ABHD2: variants seen among roughly 807,000 people sequenced by gnomAD.
ABHD2 encodes monoacylglycerol lipase ABHD2.
Under a neutral mutation model 48.1 loss-of-function variants are expected in ABHD2, and 20 were observed. That is an observed-to-expected ratio of 0.42 (90% CI 0.29 to 0.60). The LOEUF (loss-of-function observed/expected upper bound fraction) is 0.60. ABHD2 is among the 20% of genes least tolerant of loss of function. The probability of loss-of-function intolerance (pLI) is 0.24; values close to 1 mark genes in which losing one functional copy is unlikely to be tolerated. For missense variants in ABHD2, 405 were observed against 550.9 expected, an observed-to-expected ratio of 0.74 and a Z score of 2.65; for synonymous variants, 209 against 214.2, an observed-to-expected ratio of 0.98 and a Z score of 0.21.
chr15:89,147,828 G>A (rs2050520167), intron 3 of ABHD2, among the ~76,000 whole-genome samples: 1 of 150,790 alleles, frequency 6.6e-6, no homozygotes, highest in Non-Finnish European at 1.5e-5. Flanking sequence ...AAAAACTAGG[G>A]CCGGGCACAG....
At chr15:89,076,937 C>G in the ABHD2 span, among the ~76,000 whole-genome samples, 1 of 152,196 alleles carries the variant, frequency 6.6e-6, no homozygotes, top group African/African-American at 2.4e-5. Flanking sequence ...CTGGATCACT[C>G]TGTGGTTAAG....
intron 5 of ABHD2, among the ~76,000 whole-genome samples, chr15:89,159,201 A>G (rs2050724077): frequency 6.6e-6 from 1 of 151,828 alleles, no homozygotes; most frequent in African/African-American, 2.4e-5. Context: ...ACATGGTGAA[A>G]CCCTGTGTCT....
At chr15:89,123,593 C>CTTTTTTTTTTTTTTTT (rs138910210) in intron 3 of ABHD2, among the ~76,000 whole-genome samples, 144 of 96,650 alleles carry the variant, frequency 1.5e-3, no homozygotes, top group Non-Finnish European at 2.1e-3. Flanking sequence ...TTCTTTCTTT[C>CTTTTTTTTTTTTTTTT]TTTTTTTTTT....
intron 3 of ABHD2, among the ~76,000 whole-genome samples, chr15:89,130,090 A>G (rs992970690): frequency 1.3e-5 from 2 of 152,258 alleles, no homozygotes; most frequent in African/African-American, 4.8e-5. Context: ...GCCTTAAAAC[A>G]TGAAATATTA....
At position 89,151,651 on chromosome 15, in the gene ABHD2, A is replaced by G; in HGVS notation, c.195-26A>G. ...ACGTTGCTCAAGGAATGTAGAGAAA[A>G]TTGACCTCCCTTGTCCTTTCTTTAG... On this transcript the variant is annotated intron_variant, in intron 3 of 10. Coordinates refer to ENST00000352732, the MANE Select transcript of ABHD2 (RefSeq NM_152924.5). This position sits in a 1 kb window ranked among gnomAD's most constrained non-coding sequence, Gnocchi z 4.7. 2.5e-6 allele frequency: 4 copies of G among 1,584,114 alleles called. No individual in the cohort carries two copies. The highest frequency in any genetic ancestry group is 3.4e-6 in the Non-Finnish European group (4 of 1,162,856).
intron 3 of ABHD2, among the ~76,000 whole-genome samples, chr15:89,118,323 A>G (rs1490672263): frequency 1.3e-5 from 2 of 151,920 alleles, no homozygotes. Flanking sequence ...AGCTGGGACT[A>G]CGTGCCACCA....
chr15:89,127,213 C>G (rs2050142896), intron 3 of ABHD2, among the ~76,000 whole-genome samples: 2 of 152,136 alleles, frequency 1.3e-5, no homozygotes, highest in African/African-American at 4.8e-5. Flanking sequence ...GTGAACCACC[C>G]TAACTCTACC....
intron 1 of ABHD2, among the ~76,000 whole-genome samples, chr15:89,110,037 T>A (rs944581550): frequency 3.9e-5 from 6 of 152,190 alleles, no homozygotes; most frequent in East Asian, 1.9e-4. Context: ...AAATACTGTA[T>A]TGCTTTTATT....
rs2049573448 is a variant in ABHD2, at chr15:89,094,137, G to A, written c.-107+5574G>A. The A allele has an allele frequency of 1.3e-5, 2 of 152,152 alleles. No homozygotes were observed. The highest frequency in any genetic ancestry group is 1.3e-4 in the Admixed American group (2 of 15,266). The allele number at this position is 152,152 out of a possible 1,614,324, so 9.4% of individuals were successfully genotyped here. A position where few individuals can be genotyped will look rare whatever the true frequency, so the allele number is the denominator to read the frequency against. ...TACTGTGTTACATAAGGTGAGGAGA[G>A]GGAGGTGGTGTTATCAGTTCCACTT... On this transcript the variant is annotated intron_variant, in intron 1 of 10. Transcript: ENST00000352732. The surrounding 1 kb of genome is among the most constrained non-coding windows in gnomAD (Gnocchi z 4.7).
At chr15:89,148,118 CAAAAA>C (rs10711138) in intron 3 of ABHD2, among the ~76,000 whole-genome samples, 17 of 69,560 alleles carry the variant, frequency 2.4e-4, no homozygotes, top group African/African-American at 8.0e-4. Flanking sequence ...GACTCCGTCT[CAAAAA>C]AAAAAAAAAA....
intron 3 of ABHD2, among the ~76,000 whole-genome samples, chr15:89,143,744 A>G (rs1388098367): frequency 6.6e-6 from 1 of 152,178 alleles, no homozygotes; most frequent in Non-Finnish European, 1.5e-5. Flanking sequence ...GAGATAGAGT[A>G]GAAGGAAATG....
At chr15:89,098,219 A>G (rs2049644888) in intron 1 of ABHD2, among the ~76,000 whole-genome samples, 1 of 152,112 alleles carries the variant, frequency 6.6e-6, no homozygotes, top group Non-Finnish European at 1.5e-5. Context: ...TTGGCATCCT[A>G]TTACTTTTTC....
chr15:89,169,132 TG>T (rs1263518035), intron 5 of ABHD2, among the ~76,000 whole-genome samples: 4 of 151,870 alleles, frequency 2.6e-5, no homozygotes, highest in Non-Finnish European at 4.4e-5. Flanking sequence ...ATCAAATGGT[TG>T]GGGGGAGTAA....
the ABHD2 span, among the ~76,000 whole-genome samples, chr15:89,050,150 G>A: frequency 6.6e-6 from 1 of 152,218 alleles, no homozygotes; most frequent in East Asian, 1.9e-4. Context: ...GGGGCTATGA[G>A]GAGGGAGAGG....
chr15:89,148,908 A>G (rs2050543124), intron 3 of ABHD2, among the ~76,000 whole-genome samples: 1 of 152,042 alleles, frequency 6.6e-6, no homozygotes. Flanking sequence ...TTTAGTCCAT[A>G]TTTCCTTCCT....
At chr15:89,142,165 C>T (rs922356975) in intron 3 of ABHD2, among the ~76,000 whole-genome samples, 3 of 152,182 alleles carry the variant, frequency 2.0e-5, no homozygotes, top group African/African-American at 2.4e-5. Flanking sequence ...CCATGAACTC[C>T]CTAGCCTCAG....
rs887775061 is a variant in ABHD2 at position 89,185,706 on chromosome 15, C to A, written c.815+190C>A. 2.0e-5 allele frequency among the ~76,000 whole-genome samples: 3 copies of A among 152,196 alleles called. No individual in the cohort carries two copies. The South Asian group carries it at 6.2e-4, about 32-fold the overall frequency. On this transcript the variant is annotated intron_variant, in intron 7 of 10. Coordinates refer to ENST00000352732, the MANE Select transcript of ABHD2 (RefSeq NM_152924.5). The surrounding 1 kb of genome is among the most constrained non-coding windows in gnomAD (Gnocchi z 5.9). ...TGTCTTGGCCAGGCGCGGTGGCTCACGCCTGTAACCCCAGCACTTTGGGAA... is the reference window on the plus strand; with the variant it reads ...TGTCTTGGCCAGGCGCGGTGGCTCAAGCCTGTAACCCCAGCACTTTGGGAA...
In ABHD2 at chr15:89,196,405, C is replaced by G. The variant is rs754176367; in HGVS notation, c.*982C>G. On this transcript the variant is annotated 3_prime_UTR_variant, in exon 11 of 11. Transcript: ENST00000352732. ...AAGTCGCTGTGGACTTCAATTTCTTCACCTCTAAAATGGGGGACTTGGACC... is the reference window on the plus strand; with the variant it reads ...AAGTCGCTGTGGACTTCAATTTCTTGACCTCTAAAATGGGGGACTTGGACC... 1 of 152,184 alleles carries G rather than the reference C, an allele frequency of 6.6e-6. No homozygotes were observed. The highest frequency in any genetic ancestry group is 2.4e-5 in the African/African-American group (1 of 41,434). The allele number at this position is 152,184 out of a possible 1,614,324, so 9.4% of individuals were successfully genotyped here.
intron 5 of ABHD2, among the ~76,000 whole-genome samples, chr15:89,160,713 C>T (rs1345037237): frequency 6.6e-6 from 1 of 152,130 alleles, no homozygotes; most frequent in African/African-American, 2.4e-5. Context: ...AGGAACCAGG[C>T]CCATGGAGCA....
Sources: allele counts gnomAD v4.1 joint callset (sites outside exome capture counted in the v4.1 genomes callset), GRCh38; gene constraint gnomAD v4.1.1; non-coding constraint Gnocchi (gnomAD v3.1); transcripts MANE v1.5; gene names NCBI Gene and HGNC (gene_info 2026-07-23, HGNC 2026-07-21).